Variants in FAM135B observed in about 807,000 individuals in gnomAD.
FAM135B encodes protein FAM135B.
In FAM135B, 43 loss-of-function variants were observed where a neutral mutation model predicts 127.7. That is an observed-to-expected ratio of 0.34 (90% confidence interval 0.26 to 0.43). FAM135B has a LOEUF of 0.43. Among genes scored for constraint, FAM135B ranks in the 20% least tolerant of loss-of-function variants. The probability of loss-of-function intolerance (pLI) is 1.00; values close to 1 mark genes in which losing one functional copy is unlikely to be tolerated. For missense variants in FAM135B, 1,558 were observed against 1,725.6 expected (o/e 0.90, Z 1.72); for synonymous variants, 670 against 665.1 (o/e 1.01, Z -0.11).
chr8:138,406,197 T>C (rs1286303658), intron 1 of FAM135B, among the ~76,000 whole-genome samples: 1 of 152,002 alleles, frequency 6.6e-6, no homozygotes, highest in African/African-American at 2.4e-5. Flanking sequence ...TTTCTTTTGC[T>C]GTGCAGAAGC....
intron 7 of FAM135B, among the ~76,000 whole-genome samples, chr8:138,224,455 G>T (rs1338700445): frequency 6.6e-6 from 1 of 151,798 alleles, no homozygotes; most frequent in Non-Finnish European, 1.5e-5. Flanking sequence ...TATTTTTTTT[G>T]AGACAGAGTC....
chr8:138,438,349 A>G (rs1835575300), intron 1 of FAM135B: 1 of 152,080 alleles, frequency 6.6e-6, no homozygotes, highest in Non-Finnish European at 1.5e-5. Flanking sequence ...CCTTAGCAAA[A>G]ATAATGTGGG....
intron 1 of FAM135B, among the ~76,000 whole-genome samples, chr8:138,385,855 A>G (rs1229163127): frequency 6.6e-6 from 1 of 152,164 alleles, no homozygotes. Context: ...AAGGACACAT[A>G]GAAGGAAACG....
chr8:138,136,308 A>T (rs996949900), intron 19 of FAM135B, among the ~76,000 whole-genome samples: 7 of 152,264 alleles, frequency 4.6e-5, no homozygotes, highest in African/African-American at 1.7e-4. Flanking sequence ...CTATTTACTT[A>T]AAAAATAATC....
At chr8:138,340,462 T>C (rs946637786) in intron 2 of FAM135B, among the ~76,000 whole-genome samples, 2 of 152,108 alleles carry the variant, frequency 1.3e-5, no homozygotes, top group African/African-American at 4.8e-5. Context: ...CTGTCATCCT[T>C]ATTATCATCC....
intron 2 of FAM135B, among the ~76,000 whole-genome samples, chr8:138,348,511 A>C (rs1829566903): frequency 6.6e-6 from 1 of 152,154 alleles, no homozygotes; most frequent in South Asian, 2.1e-4. Flanking sequence ...TATAAACAAC[A>C]ATGCTTTAAG....
intron 1 of FAM135B, among the ~76,000 whole-genome samples, chr8:138,406,067 C>G (rs1161135989): frequency 2.0e-5 from 3 of 146,832 alleles, no homozygotes; most frequent in African/African-American, 5.2e-5. Context: ...GGGTTGTTTG[C>G]TCCTTTCTTG....
At chr8:138,214,149 T>C (rs2129909870) in intron 7 of FAM135B, among the ~76,000 whole-genome samples, 1 of 152,288 alleles carries the variant, frequency 6.6e-6, no homozygotes, top group East Asian at 1.9e-4. Flanking sequence ...TGCCCCTGGC[T>C]TTTTTTCAAC....
At chr8:138,285,665 G>C (rs80038613) in intron 3 of FAM135B, among the ~76,000 whole-genome samples, 1 of 152,148 alleles carries the variant, frequency 6.6e-6, no homozygotes, top group East Asian at 1.9e-4. Context: ...ATATTTCAGA[G>C]AGCTGAGCAA....
intron 7 of FAM135B, among the ~76,000 whole-genome samples, chr8:138,218,409 A>G (rs771651112): frequency 1.3e-5 from 2 of 152,200 alleles, no homozygotes; most frequent in Non-Finnish European, 2.9e-5. Flanking sequence ...TCACAATCAC[A>G]TATTAATTTA....
intron 1 of FAM135B, among the ~76,000 whole-genome samples, chr8:138,480,545 A>G (rs529614189): frequency 6.6e-6 from 1 of 152,348 alleles, no homozygotes; most frequent in South Asian, 2.1e-4. Flanking sequence ...TTTAATCTAA[A>G]TAAGTATCTC....
At chr8:138,270,124 A>G (rs1315975278) in intron 3 of FAM135B, among the ~76,000 whole-genome samples, 1 of 152,128 alleles carries the variant, frequency 6.6e-6, no homozygotes, top group Non-Finnish European at 1.5e-5. Flanking sequence ...GGTCCAATAC[A>G]TGACTTCTTG....
chr8:138,365,001 C>G (rs1049537258), intron 2 of FAM135B, among the ~76,000 whole-genome samples: 7 of 152,062 alleles, frequency 4.6e-5, no homozygotes, highest in African/African-American at 1.7e-4. Context: ...TGCCCGCCAC[C>G]ACTCTCAGGT....
intron 3 of FAM135B, among the ~76,000 whole-genome samples, chr8:138,277,225 CT>C (rs1186238900): frequency 1.2e-4 from 18 of 152,258 alleles, no homozygotes; most frequent in African/African-American, 4.1e-4. Flanking sequence ...GACATTTTTC[CT>C]TCCCTTATTC....
At chr8:138,188,357 C>T (rs1815776349) in intron 9 of FAM135B, among the ~76,000 whole-genome samples, 1 of 152,154 alleles carries the variant, frequency 6.6e-6, no homozygotes, top group Non-Finnish European at 1.5e-5. Flanking sequence ...TGAGGCCTGT[C>T]TTATGGGGCT....
chr8:138,431,428 T>G (rs1438655487), intron 1 of FAM135B, among the ~76,000 whole-genome samples: 1 of 152,232 alleles, frequency 6.6e-6, no homozygotes, highest in East Asian at 1.9e-4. Context: ...CTGATTCAAA[T>G]GGCTTAAACC....
chr8:138,351,296 T>G (rs919322692), intron 2 of FAM135B, among the ~76,000 whole-genome samples: 2 of 151,734 alleles, frequency 1.3e-5, no homozygotes, highest in African/African-American at 4.8e-5. Context: ...AACAAGGCCA[T>G]TAGGGTGGTC....
chr8:138,387,818 C>T (rs1832309130), intron 1 of FAM135B, among the ~76,000 whole-genome samples: 2 of 152,142 alleles, frequency 1.3e-5, no homozygotes, highest in Admixed American at 6.5e-5. Context: ...TCTCCCTACT[C>T]CTAAAATACC....
At chr8:138,211,416 A>G (rs1210310236) in intron 7 of FAM135B, among the ~76,000 whole-genome samples, 2 of 152,202 alleles carry the variant, frequency 1.3e-5, no homozygotes, top group East Asian at 3.9e-4. Flanking sequence ...CTACAAAATC[A>G]TTTATCAACA....
Sources: allele counts gnomAD v4.1 joint callset (sites outside exome capture counted in the v4.1 genomes callset), GRCh38; gene constraint gnomAD v4.1.1; transcripts MANE v1.5; gene names NCBI Gene and HGNC (gene_info 2026-07-23, HGNC 2026-07-21).